The following LPA variants were observed in gnomAD, a reference collection of about 807,000 sequenced individuals.
LPA encodes the protein apolipoprotein(a).
Under a neutral mutation model 197.9 loss-of-function variants are expected in LPA, and 199 were observed. The ratio of observed to expected loss-of-function variants is 1.01; its 90% CI spans 0.90 to 1.13. LPA has a LOEUF of 1.13. LPA is among the 50% of genes most tolerant of loss of function. The pLI is 0.00. For synonymous variants in LPA, 715 were observed against 639.5 expected, an observed-to-expected ratio of 1.12 and a Z score of -1.78; for missense variants, 1,853 against 1,785.8, an observed-to-expected ratio of 1.04 and a Z score of -0.68.
chr6:160,539,984 C>A, intron 36 of LPA, 59 bp downstream of exon 36: 1 of 1,613,588 alleles, frequency 6.2e-7, no homozygotes, highest in South Asian at 1.1e-5. Context: ...CCCATAAAAC[C>A]CAGACATAAA....
chr6:160,543,765 T>C (rs1778021265), intron 33 of LPA, among the ~76,000 whole-genome samples: 1 of 152,276 alleles, frequency 6.6e-6, no homozygotes, highest in Non-Finnish European at 1.5e-5. Flanking sequence ...TATTTATTTT[T>C]ACTTATTTAT....
chr6:160,536,743 C>T (rs2114994983), intron 37 of LPA, among the ~76,000 whole-genome samples: 1 of 152,278 alleles, frequency 6.6e-6, no homozygotes, highest in Non-Finnish European at 1.5e-5. Flanking sequence ...TTTACCTGGC[C>T]TCAGTGCTCC....
At chr6:160,604,636 A>G (rs1779308834) in intron 18 of LPA, among the ~76,000 whole-genome samples, 1 of 152,170 alleles carries the variant, frequency 6.6e-6, no homozygotes, top group South Asian at 2.1e-4. Flanking sequence ...ATAGATATAC[A>G]TATATACTTT....
intron 28 of LPA, among the ~76,000 whole-genome samples, chr6:160,572,088 TC>T (rs1778572757): frequency 6.6e-6 from 1 of 152,202 alleles, no homozygotes; most frequent in Admixed American, 6.5e-5. Context: ...GCACTGGTCT[TC>T]ACGGCACAGT....
intron 2 of LPA, among the ~76,000 whole-genome samples, chr6:160,648,358 C>G (rs1380528011): frequency 6.6e-6 from 1 of 152,128 alleles, no homozygotes; most frequent in East Asian, 1.9e-4. Context: ...TTTTTCTGAT[C>G]CATTGAGCTT....
chr6:160,546,020 A>G (rs893629135), intron 32 of LPA, among the ~76,000 whole-genome samples: 3 of 152,194 alleles, frequency 2.0e-5, no homozygotes, highest in African/African-American at 2.4e-5. Context: ...AGAATAAGAA[A>G]TGTATATTGG....
rs758003120 is a variant in LPA, at chr6:160,540,179, A to G, written c.5599T>C (p.Ser1867Pro). 2 of 1,614,174 alleles carry G rather than the reference A, an allele frequency of 1.2e-6. No individual in the cohort carries two copies. Among genetic ancestry groups the G allele is most frequent in the Non-Finnish European group, 1.7e-6 (2 of 1,180,018 alleles). Residue 1867 changes from serine (S) to proline (P), a missense_variant, in exon 36 of 39, where the codon TCA (serine) becomes CCA (proline). Transcript: ENST00000316300. ...ATGACCTTGTAGGATGAAGGCCTTGAGGACCTAGAAAAGATGAGGATGTCA... is the reference window on the plus strand; with the variant it reads ...ATGACCTTGTAGGATGAAGGCCTTGGGGACCTAGAAAAGATGAGGATGTCA... ...LTAAHCLKKS[S>P]RPSSYKVILG...
chr6:160,655,121 A>T (rs1780110499), intron 1 of LPA, among the ~76,000 whole-genome samples: 1 of 152,200 alleles, frequency 6.6e-6, no homozygotes, highest in Non-Finnish European at 1.5e-5. Flanking sequence ...TCATGGCTAG[A>T]TGGGTCAGAA....
intron 30 of LPA, among the ~76,000 whole-genome samples, chr6:160,555,138 A>G (rs1338373604): frequency 6.6e-6 from 1 of 151,308 alleles, no homozygotes; most frequent in African/African-American, 2.4e-5. Context: ...CCTAATTCTC[A>G]TCTACATTCT....
chr6:160,537,272 C>A (rs550056933), intron 37 of LPA, among the ~76,000 whole-genome samples: 3 of 152,296 alleles, frequency 2.0e-5, no homozygotes, highest in South Asian at 2.1e-4. Context: ...ACCCATCAAC[C>A]AATACCAAAT....
At chr6:160,553,954 T>TGCGTGTGTGTGTGTGCGC (rs1554231704) in intron 30 of LPA, among the ~76,000 whole-genome samples, 5 of 130,748 alleles carry the variant, frequency 3.8e-5, no homozygotes, top group Non-Finnish European at 6.5e-5. Flanking sequence ...TGTGTGTGTG[T>TGCGTGTGTGTGTGTGCGC]GCGCGCGCGC....
intron 34 of LPA, 70 bp downstream of exon 34, chr6:160,542,618 G>A: frequency 7.5e-6 from 12 of 1,606,966 alleles, no homozygotes; most frequent in Non-Finnish European, 1.0e-5. Flanking sequence ...TGGGTTCTGT[G>A]TAAATGTAGA....
At chr6:160,542,911 G>C in intron 33 of LPA, 103 bp from the exon 34 acceptor site, 2 of 1,498,532 alleles carry the variant, frequency 1.3e-6, no homozygotes, top group Non-Finnish European at 1.9e-6. Context: ...ACATCTCAAA[G>C]GTGAAATTAA....
At chr6:160,635,586 A>G (rs1201742418) in intron 6 of LPA, among the ~76,000 whole-genome samples, 1 of 124,420 alleles carries the variant, frequency 8.0e-6, no homozygotes, top group Non-Finnish European at 1.7e-5. Flanking sequence ...TGGCCGAAAA[A>G]CGATCAGAGT....
chr6:160,551,313 G>T (rs1193003950), intron 30 of LPA, among the ~76,000 whole-genome samples: 6 of 152,052 alleles, frequency 3.9e-5, no homozygotes, highest in South Asian at 2.1e-4. Flanking sequence ...CATTTTTTCA[G>T]GTGCTTATTG....
At chr6:160,554,585 G>A (rs1778224072) in intron 30 of LPA, among the ~76,000 whole-genome samples, 1 of 152,134 alleles carries the variant, frequency 6.6e-6, no homozygotes, top group African/African-American at 2.4e-5. Flanking sequence ...TCAATGAGGT[G>A]TCTCTCCTCG....
rs572508505 is a variant in LPA, at chr6:160,603,154, A to G, written c.2945+1892T>C. ...CCTTCCTCTCCTTCTGTGACTTCCT[A>G]CCCACATGCAGGAAATCTTTTTATA... On this transcript the variant is annotated intron_variant, in intron 18 of 38. Coordinates refer to ENST00000316300, the MANE Select transcript of LPA (RefSeq NM_005577.4). Among the ~76,000 whole-genome samples, 32 of 150,986 alleles carry G rather than the reference A, an allele frequency of 2.1e-4. No individual in the cohort carries two copies. The South Asian group carries it at 6.5e-3, about 31-fold the overall frequency.
At position 160,634,415 on chromosome 6, in the gene LPA, T is replaced by G. The variant is rs1424927970; in HGVS notation, c.1076-503A>C. Among the ~76,000 whole-genome samples the G allele has an allele frequency of 4.3e-5, 5 of 116,636 alleles. No individual in the cohort carries two copies. The South Asian group carries it at 1.3e-3, about 31-fold the overall frequency. 76.5% of individuals were successfully genotyped at this position (116,636 alleles called of 152,430 possible). ...TATATCTGACTGAAGGCAAAGACAC[T>G]TTGCTTCTCAAGGATGTGTGCACGC... is the stretch of plus-strand genomic sequence containing the variant. On this transcript the variant is annotated intron_variant, in intron 7 of 38. Coordinates refer to ENST00000316300, the MANE Select transcript of LPA (RefSeq NM_005577.4).
intron 26 of LPA, among the ~76,000 whole-genome samples, chr6:160,582,435 C>T (rs960473976): frequency 6.6e-6 from 1 of 151,738 alleles, no homozygotes; most frequent in African/African-American, 2.4e-5. Context: ...TCCTCCTTAC[C>T]ACTCTAAACG....
Sources: allele counts gnomAD v4.1 joint callset (sites outside exome capture counted in the v4.1 genomes callset), GRCh38; gene constraint gnomAD v4.1.1; transcripts MANE v1.5; gene names NCBI Gene and HGNC (gene_info 2026-07-23, HGNC 2026-07-21).